SLC25A51: variants seen among roughly 807,000 people sequenced by gnomAD.
SLC25A51 encodes solute carrier family 25 member 51.
In SLC25A51, 11 loss-of-function variants were observed where a neutral mutation model predicts 19.1. The ratio of observed to expected loss-of-function variants is 0.58; its 90% CI spans 0.36 to 0.96. SLC25A51 has a LOEUF of 0.96. SLC25A51 is among the 40% of genes least tolerant of loss of function. SLC25A51 has a pLI of 0.01. For synonymous variants in SLC25A51, 105 were observed against 133.6 expected, an observed-to-expected ratio of 0.79 and a Z score of 1.47; for missense variants, 201 against 365.4, an observed-to-expected ratio of 0.55 and a Z score of 3.67.
In SLC25A51 at chr9:37,888,101, A is replaced by G; in HGVS notation, c.450T>C (p.His150=). ...RVQTLLQDHK[H]HDKFTNTYQA... ...GGTAAGTGTTGGTAAATTTGTCATG[A>G]TGCTTGTGGTCTTGAAGCAATGTCT... Residue 150 remains histidine, a synonymous_variant, in exon 3 of 3, where the codon CAT becomes CAC. Coordinates refer to ENST00000242275, the MANE Select transcript of SLC25A51 (RefSeq NM_033412.4). 6.2e-7 allele frequency: 1 copy of G among 1,613,994 alleles called. No homozygotes were observed. The highest frequency in any genetic ancestry group is 8.5e-7 in the Non-Finnish European group (1 of 1,179,866).
chr9:37,885,719 T>C, downstream of SLC25A51: 1 of 1,423,496 alleles, frequency 7.0e-7, no homozygotes, highest in East Asian at 2.3e-5. Context: ...TCAGTGCCAT[T>C]GTGATGATGA....
At chr9:37,897,918 C>A (rs186066376) in intron 2 of SLC25A51, among the ~76,000 whole-genome samples, 2 of 152,288 alleles carry the variant, frequency 1.3e-5, no homozygotes, top group East Asian at 3.9e-4. Flanking sequence ...TTATCATCTA[C>A]CCCTGCCCAT....
intron 2 of SLC25A51, among the ~76,000 whole-genome samples, chr9:37,891,208 C>T (rs1026259499): frequency 1.7e-4 from 26 of 152,162 alleles, no homozygotes; most frequent in Non-Finnish European, 3.5e-4. Flanking sequence ...AGCCATCGCC[C>T]GGCCAGCCGC....
intron 2 of SLC25A51, among the ~76,000 whole-genome samples, chr9:37,892,162 G>A: frequency 6.6e-6 from 1 of 152,210 alleles, no homozygotes. Flanking sequence ...AGATAAGACA[G>A]GCAAATAATT....
Position 37,887,652 on chromosome 9 carries a change from T to C in SLC25A51, c.*5A>G. On this transcript the variant is annotated 3_prime_UTR_variant, in exon 3 of 3. Coordinates refer to ENST00000242275, the MANE Select transcript of SLC25A51 (RefSeq NM_033412.4). ...TTGATAAATGGCACTTAACTGATGG[T>C]TTTTTCATATAACCTTTAACAAGAA... 1 of 1,603,042 alleles carries C rather than the reference T, an allele frequency of 6.2e-7. No homozygotes were observed. The highest frequency in any genetic ancestry group is 1.1e-5 in the South Asian group (1 of 89,324).
downstream of SLC25A51, chr9:37,887,589 A>G (rs529394958): frequency 1.4e-3 from 2,131 of 1,490,290 alleles, 1 homozygote; most frequent in Non-Finnish European, 1.8e-3. Context: ...AAAAAAAAAA[A>G]GAGGCCAAAC....
chr9:37,897,802 C>T (rs572842693), intron 2 of SLC25A51, among the ~76,000 whole-genome samples: 2 of 152,096 alleles, frequency 1.3e-5, no homozygotes, highest in Non-Finnish European at 2.9e-5. Context: ...CAGGTCCTAG[C>T]AGTTTTCAAG....
downstream of SLC25A51, chr9:37,887,585 A>G (rs914087201): frequency 7.0e-5 from 106 of 1,506,754 alleles, no homozygotes; most frequent in Non-Finnish European, 9.3e-5. Flanking sequence ...AAAAAAAAAA[A>G]AAAAGAGGCC....
intron 2 of SLC25A51, among the ~76,000 whole-genome samples, chr9:37,894,064 C>T (rs1831656276): frequency 6.6e-6 from 1 of 152,180 alleles, no homozygotes; most frequent in African/African-American, 2.4e-5. Flanking sequence ...AATATTAGCA[C>T]AGAGATACCT....
At chr9:37,899,192 T>G (rs1236359356) in intron 2 of SLC25A51, among the ~76,000 whole-genome samples, 1 of 152,244 alleles carries the variant, frequency 6.6e-6, no homozygotes, top group African/African-American at 2.4e-5. Flanking sequence ...TTTATTATTC[T>G]TTTCTATCTT....
chr9:37,891,557 C>G (rs1831586464), intron 2 of SLC25A51, among the ~76,000 whole-genome samples: 1 of 152,126 alleles, frequency 6.6e-6, no homozygotes, highest in Non-Finnish European at 1.5e-5. Flanking sequence ...TGACCTTACC[C>G]CCAACCCTGT....
chr9:37,879,350 A>G (rs750321116), downstream of SLC25A51: 22 of 191,204 alleles, frequency 1.2e-4, no homozygotes, highest in Non-Finnish European at 2.6e-4. Flanking sequence ...GGTCTCGGCT[A>G]TTCAACCATA....
At chr9:37,900,990 T>C (rs1268102267) in intron 1 of SLC25A51, among the ~76,000 whole-genome samples, 1 of 152,076 alleles carries the variant, frequency 6.6e-6, no homozygotes, top group African/African-American at 2.4e-5. Context: ...CTCAGCCATC[T>C]GAGTACCTGG....
chr9:37,885,206 A>G (rs1459241552), downstream of SLC25A51, among the ~76,000 whole-genome samples: 1 of 152,054 alleles, frequency 6.6e-6, no homozygotes, highest in Non-Finnish European at 1.5e-5. Context: ...GGTCACAGCC[A>G]CTTATGTTTC....
At chr9:37,888,739 C>T in intron 2 of SLC25A51, 147 bp from the exon 3 acceptor site, 1 of 659,796 alleles carries the variant, frequency 1.5e-6, no homozygotes, top group Non-Finnish European at 2.4e-6. Context: ...TCAGAAGACC[C>T]CTGGAAGTCC....
chr9:37,882,348 A>C (rs1440261703), intron 2 of SLC25A51, among the ~76,000 whole-genome samples: 2 of 152,176 alleles, frequency 1.3e-5, no homozygotes, highest in Non-Finnish European at 2.9e-5. Context: ...GATTGGCTTC[A>C]CTCGAAGCCC....
chr9:37,885,670 G>T (rs1403012763), downstream of SLC25A51: 3 of 1,140,948 alleles, frequency 2.6e-6, no homozygotes, highest in Non-Finnish European at 4.0e-6. Context: ...CAAAGGAGTT[G>T]CCCGAAACCG....
chr9:37,902,875 C>T (rs1263987340), intron 1 of SLC25A51, among the ~76,000 whole-genome samples: 2 of 152,148 alleles, frequency 1.3e-5, no homozygotes, highest in Non-Finnish European at 2.9e-5. Flanking sequence ...AAGGTCTCTG[C>T]AAAAACTGGG....
At chr9:37,885,632 C>T (rs13289192), downstream of SLC25A51, 9,581 of 821,188 alleles carry the variant, frequency 0.012, 88 homozygotes, top group Non-Finnish European at 0.014. Context: ...CGGCGCCCAA[C>T]GTGGGCCTCA....
Sources: allele counts gnomAD v4.1 joint callset (sites outside exome capture counted in the v4.1 genomes callset), GRCh38; gene constraint gnomAD v4.1.1; transcripts MANE v1.5; gene names NCBI Gene and HGNC (gene_info 2026-07-23, HGNC 2026-07-21).